ABAT: variants seen among roughly 807,000 people sequenced by gnomAD.
ABAT encodes 4-aminobutyrate aminotransferase, also known as 4-aminobutyrate aminotransferase, mitochondrial.
ABAT carries 45 observed loss-of-function variants against 64.6 expected under a neutral mutation model. That is an observed-to-expected ratio of 0.70 (90% CI 0.55 to 0.89). ABAT has a LOEUF of 0.89. Ranked by LOEUF, ABAT falls within the 40% of genes least tolerant of loss-of-function variation. The pLI, the probability that ABAT is intolerant of heterozygous loss-of-function variation, is 0.00. For missense variants in ABAT, 633 were observed against 658.4 expected, an observed-to-expected ratio of 0.96 and a Z score of 0.42; for synonymous variants, 297 against 250.5, an observed-to-expected ratio of 1.19 and a Z score of -1.75.
intron 1 of ABAT, among the ~76,000 whole-genome samples, chr16:8,729,961 G>T (rs1429523973): frequency 6.6e-6 from 1 of 152,150 alleles, no homozygotes; most frequent in African/African-American, 2.4e-5. Flanking sequence ...GCAGAGGAAT[G>T]GGGAAGTATC....
At chr16:8,746,721 A>G (rs2059341810) in intron 3 of ABAT, among the ~76,000 whole-genome samples, 2 of 152,058 alleles carry the variant, frequency 1.3e-5, no homozygotes, top group Non-Finnish European at 1.5e-5. Flanking sequence ...CAAAAAAAAA[A>G]AAGAAAAAGA....
intron 1 of ABAT, among the ~76,000 whole-genome samples, chr16:8,722,342 A>T (rs2058396087): frequency 1.3e-5 from 2 of 152,168 alleles, no homozygotes; most frequent in South Asian, 4.1e-4. Flanking sequence ...CAGGGGTTTC[A>T]CTATGTTAGC....
chr16:8,743,015 A>G (rs1056533375), intron 2 of ABAT, among the ~76,000 whole-genome samples: 11 of 150,484 alleles, frequency 7.3e-5, no homozygotes, highest in African/African-American at 2.4e-4. Flanking sequence ...TTTAAAAAAA[A>G]AAAAAAAAAA....
chr16:8,717,446 T>C (rs1430291281), intron 1 of ABAT, among the ~76,000 whole-genome samples: 1 of 152,260 alleles, frequency 6.6e-6, no homozygotes, highest in African/African-American at 2.4e-5. Context: ...GTGGTTTGCA[T>C]TGAAAGCTTG....
intron 5 of ABAT, among the ~76,000 whole-genome samples, chr16:8,753,092 CTTTTTTTTTTT>C (rs768032745): frequency 7.8e-6 from 1 of 127,570 alleles, no homozygotes; most frequent in Non-Finnish European, 1.7e-5. Flanking sequence ...CAAGCTTATT[CTTTTTTTTTTT>C]TTTTTTTTTA....
intron 11 of ABAT, among the ~76,000 whole-genome samples, chr16:8,770,806 C>T (rs1305616635): frequency 6.6e-6 from 1 of 152,034 alleles, no homozygotes; most frequent in Admixed American, 6.6e-5. Context: ...TTTTATTGAA[C>T]CGAATATATT....
intron 4 of ABAT, among the ~76,000 whole-genome samples, chr16:8,750,006 C>T (rs2059433288): frequency 6.6e-6 from 1 of 152,208 alleles, no homozygotes; most frequent in African/African-American, 2.4e-5. Context: ...TGAGGCACTG[C>T]ACTCAGCCCT....
intron 8 of ABAT, chr16:8,765,925 C>T (rs994794800): frequency 2.5e-6 from 1 of 403,870 alleles, no homozygotes; most frequent in Non-Finnish European, 4.7e-6. Flanking sequence ...CATCTGGCCT[C>T]CATTCTTCCT....
intron 1 of ABAT, among the ~76,000 whole-genome samples, chr16:8,677,028 C>T (rs536094403): frequency 3.3e-5 from 5 of 152,232 alleles, no homozygotes; most frequent in Admixed American, 1.3e-4. Flanking sequence ...TTTGCCAAGG[C>T]GAAGTTCAAA....
chr16:8,710,572 A>C (rs1326832574), intron 1 of ABAT, among the ~76,000 whole-genome samples: 1 of 152,070 alleles, frequency 6.6e-6, no homozygotes, highest in Non-Finnish European at 1.5e-5. Flanking sequence ...CCCCGTCTCT[A>C]CAAAAAAATA....
intron 1 of ABAT, among the ~76,000 whole-genome samples, chr16:8,701,356 C>G (rs1461378075): frequency 6.6e-6 from 1 of 151,940 alleles, no homozygotes; most frequent in Non-Finnish European, 1.5e-5. Context: ...GAGCTGTAAT[C>G]AAATCTGGAG....
chr16:8,768,717 C>A, intron 10 of ABAT, 108 bp from the exon 11 acceptor site: 1 of 1,501,458 alleles, frequency 6.7e-7, no homozygotes, highest in Admixed American at 1.7e-5. Flanking sequence ...AACAGGCCTC[C>A]CTGCCCACTG....
rs1288241223 is a variant in ABAT at position 8,743,423 on chromosome 16, T to TTTTATATATATATATATATA, written c.71-2577_71-2576insTTATATATATATATATATAT. Among the ~76,000 whole-genome samples, 21 of 45,272 alleles carry TTTTATATATATATATATATA rather than the reference T, an allele frequency of 4.6e-4. No individual in the cohort carries two copies. The Admixed American group carries it at 5.9e-3, about 13-fold the overall frequency. The allele number at this position is 45,272 out of a possible 152,430, so 29.7% of individuals were successfully genotyped here. A position where few individuals can be genotyped will look rare whatever the true frequency, so the allele number is the denominator to read the frequency against. The stretch of plus-strand genomic sequence containing the variant: ...GTCCCCTCTTGTGTAATGGAAACAG[T>TTTTATATATATATATATATA]TATATATATATATATATATATACAC... On this transcript the variant is annotated intron_variant, in intron 2 of 15. Transcript: ENST00000268251.
chr16:8,718,690 G>C (rs980114220), intron 1 of ABAT, among the ~76,000 whole-genome samples: 6 of 152,206 alleles, frequency 3.9e-5, no homozygotes, highest in African/African-American at 1.4e-4. Context: ...CCTCAGTCAG[G>C]GGGCAGGGTT....
intron 6 of ABAT, among the ~76,000 whole-genome samples, chr16:8,763,858 A>G (rs1233322746): frequency 1.3e-5 from 2 of 152,210 alleles, no homozygotes; most frequent in Non-Finnish European, 2.9e-5. Flanking sequence ...CAACCAGGAC[A>G]CTGACCCTTT....
Position 8,776,211 on chromosome 16 carries a change from T to A in ABAT, c.1123-133T>A. 1 of 1,256,868 alleles carries A rather than the reference T, an allele frequency of 8.0e-7. No individual in the cohort carries two copies. The highest frequency in any genetic ancestry group is 1.1e-6 in the Non-Finnish European group (1 of 876,984). The allele number at this position is 1,256,868 out of a possible 1,614,324, so 77.9% of individuals were successfully genotyped here. On this transcript the variant is annotated intron_variant, in intron 13 of 15. Transcript: ENST00000268251. The surrounding 1 kb of genome is among the most constrained non-coding windows in gnomAD (Gnocchi z 4.4). ...TTCAGCGAGATTGGGTGTGTTCCCC[T>A]GCCAGCCTCTGGTAGATGCCCACTA...
intron 1 of ABAT, among the ~76,000 whole-genome samples, chr16:8,711,106 T>C (rs2058060984): frequency 6.6e-6 from 1 of 152,208 alleles, no homozygotes; most frequent in Non-Finnish European, 1.5e-5. Context: ...AGAATTATGC[T>C]AGGGATCAAT....
At chr16:8,731,764 T>C (rs2058726232) in intron 1 of ABAT, among the ~76,000 whole-genome samples, 1 of 152,168 alleles carries the variant, frequency 6.6e-6, no homozygotes, top group African/African-American at 2.4e-5. Flanking sequence ...AACTACTTCA[T>C]CCTGCAAACT....
chr16:8,746,115 T>A lies in ABAT; in HGVS notation c.168+17T>A. On this transcript the variant is annotated intron_variant, in intron 3 of 15. Transcript: ENST00000268251. ...AGATCTCAGGTGAGTTGAGCACACC[T>A]GAGTGGGGTATTTTGGAAAAGGGAA... 6.3e-7 allele frequency: 1 copy of A among 1,597,820 alleles called. No individual in the cohort carries two copies.
Sources: allele counts gnomAD v4.1 joint callset (sites outside exome capture counted in the v4.1 genomes callset), GRCh38; gene constraint gnomAD v4.1.1; non-coding constraint Gnocchi (gnomAD v3.1); transcripts MANE v1.5; gene names NCBI Gene and HGNC (gene_info 2026-07-23, HGNC 2026-07-21).